Variants in SCN3A observed in about 807,000 individuals in gnomAD.
SCN3A encodes the protein sodium channel protein type 3 subunit alpha.
In SCN3A, 60 loss-of-function variants were observed where a neutral mutation model predicts 187.6. That is an observed-to-expected ratio of 0.32 (90% CI 0.26 to 0.40). The LOEUF (loss-of-function observed/expected upper bound fraction) is 0.40, where lower values mean the gene tolerates loss of function less well. Ranked by LOEUF, SCN3A falls within the 10% of genes least tolerant of loss-of-function variation. The pLI, the probability that SCN3A is intolerant of heterozygous loss-of-function variation, is 1.00. For synonymous variants in SCN3A, 788 were observed against 829.2 expected (o/e 0.95, Z 0.85); for missense variants, 1,601 against 2,428.2 (o/e 0.66, Z 7.16).
intron 2 of SCN3A, among the ~76,000 whole-genome samples, chr2:165,181,736 G>A (rs1574317057): frequency 6.6e-6 from 1 of 152,118 alleles, no homozygotes; most frequent in Non-Finnish European, 1.5e-5. Flanking sequence ...TCAAGTGAAA[G>A]TGGTGTTCCA....
intron 11 of SCN3A, among the ~76,000 whole-genome samples, chr2:165,149,878 C>G (rs1553532847): frequency 2.0e-5 from 3 of 152,202 alleles, no homozygotes; most frequent in Non-Finnish European, 4.4e-5. Flanking sequence ...CTCACTGTAT[C>G]TGTGTGTCCG....
chr2:165,091,134 C>T lies in SCN3A; in HGVS notation c.5019G>A (p.Gly1673=), dbSNP rs770683162. The change falls in exon 28 of 28, where the codon GGG becomes GGA. Residue 1673 remains glycine, a synonymous_variant. Coordinates refer to ENST00000283254, the MANE Select transcript of SCN3A (RefSeq NM_006922.4). ...FLVMFIYAIF[G]MSNFAYVKKE... is the part of the protein sequence containing the mutation. ...TTTTAACATAGGCAAAGTTGGACATCCCAAAGATGGCATAGATAAACATGA... is the reference window on the plus strand; with the variant it reads ...TTTTAACATAGGCAAAGTTGGACATTCCAAAGATGGCATAGATAAACATGA... 4 of 1,613,962 alleles carry T rather than the reference C, an allele frequency of 2.5e-6. No homozygotes were observed.
In SCN3A at chr2:165,169,597, A is replaced by G. The variant is rs1559257322; in HGVS notation, c.384-772T>C. Among the ~76,000 whole-genome samples, 3 of 151,932 alleles carry G rather than the reference A, an allele frequency of 2.0e-5. No individual in the cohort carries two copies. The South Asian group carries it at 6.2e-4, about 31-fold the overall frequency. ...ATAAATATTTTATTTTAGAATATAA[A>G]TACTTTCCAACATCAAGCCATAGAA... is the stretch of plus-strand genomic sequence containing the variant. On this transcript the variant is annotated intron_variant, in intron 4 of 27. Transcript: ENST00000283254.
chr2:165,099,102 C>G (rs566295154), intron 22 of SCN3A, among the ~76,000 whole-genome samples: 402 of 152,220 alleles, frequency 2.6e-3, no homozygotes, highest in Non-Finnish European at 3.4e-3. Flanking sequence ...GCTTAATTCT[C>G]CCTGATGGGT....
chr2:165,144,738 A>G (rs1408850540), intron 12 of SCN3A, among the ~76,000 whole-genome samples: 1 of 151,930 alleles, frequency 6.6e-6, no homozygotes, highest in Non-Finnish European at 1.5e-5. Flanking sequence ...AACACAGTCT[A>G]TAACTTATTT....
chr2:165,127,614 T>C lies in SCN3A; in HGVS notation c.3393+17A>G, dbSNP rs183690433. The C allele has an allele frequency of 2.5e-6, 4 of 1,601,258 alleles. No individual in the cohort carries two copies. The South Asian group carries it at 4.4e-5, about 18-fold the overall frequency. On this transcript the variant is annotated intron_variant, in intron 18 of 27. Coordinates refer to ENST00000283254, the MANE Select transcript of SCN3A (RefSeq NM_006922.4). ...TTATCATAGGAAATGGAACAAAAAA[T>C]TTAAAAGCATTCTTACCTCTTTGCT...
intron 11 of SCN3A, among the ~76,000 whole-genome samples, chr2:165,152,880 C>G (rs1275572658): frequency 6.6e-6 from 1 of 151,434 alleles, no homozygotes; most frequent in African/African-American, 2.4e-5. Flanking sequence ...TGTAACAAAC[C>G]TGCATGTTGT....
intron 11 of SCN3A, among the ~76,000 whole-genome samples, chr2:165,151,627 A>T (rs1447947605): frequency 6.6e-6 from 1 of 152,168 alleles, no homozygotes; most frequent in Non-Finnish European, 1.5e-5. Context: ...TGATGTAGAG[A>T]GGAAGTATCT....
intron 15 of SCN3A, among the ~76,000 whole-genome samples, chr2:165,135,501 A>G (rs1165121403): frequency 4.6e-5 from 7 of 152,088 alleles, no homozygotes; most frequent in African/African-American, 1.2e-4. Flanking sequence ...TATTTTAATG[A>G]GCAAATTATA....
At chr2:165,100,544 T>A in intron 21 of SCN3A, 120 bp from the exon 22 acceptor site, 1 of 974,672 alleles carries the variant, frequency 1.0e-6, no homozygotes, top group Non-Finnish European at 1.6e-6. Context: ...TTGGCAACTT[T>A]CATCTTCCAC....
At chr2:165,127,367 G>A (rs1415757150) in intron 18 of SCN3A, among the ~76,000 whole-genome samples, 2 of 152,022 alleles carry the variant, frequency 1.3e-5, no homozygotes, top group African/African-American at 4.8e-5. Context: ...AGCCTAAAAG[G>A]CCACATTTTT....
chr2:165,108,836 T>C (rs537848554), intron 21 of SCN3A, among the ~76,000 whole-genome samples: 5 of 152,252 alleles, frequency 3.3e-5, no homozygotes, highest in Middle Eastern at 3.4e-3. Context: ...AAGAAAAGAA[T>C]TGTACAGAAT....
intron 2 of SCN3A, among the ~76,000 whole-genome samples, chr2:165,178,142 GT>G (rs939280116): frequency 1.3e-5 from 2 of 151,946 alleles, no homozygotes; most frequent in African/African-American, 4.8e-5. Context: ...GTGTGTGGGG[GT>G]TTTTTTGCTT....
At chr2:165,152,795 T>C (rs1330253378) in intron 11 of SCN3A, among the ~76,000 whole-genome samples, 1 of 152,026 alleles carries the variant, frequency 6.6e-6, no homozygotes, top group Non-Finnish European at 1.5e-5. Context: ...GTGGGAAGGA[T>C]AGCATTAGGA....
At chr2:165,132,717 A>G (rs1465347129) in intron 15 of SCN3A, among the ~76,000 whole-genome samples, 2 of 152,350 alleles carry the variant, frequency 1.3e-5, no homozygotes, top group East Asian at 1.9e-4. Flanking sequence ...GGACATAGGC[A>G]TGGGCAAGGA....
At chr2:165,149,889 T>G (rs1451299823) in intron 11 of SCN3A, among the ~76,000 whole-genome samples, 3 of 152,224 alleles carry the variant, frequency 2.0e-5, no homozygotes, top group Non-Finnish European at 4.4e-5. Flanking sequence ...TGTGTGTCCG[T>G]AAAAATATAA....
At chr2:165,143,743 A>AAGATAAATG (rs1370960122) in intron 12 of SCN3A, among the ~76,000 whole-genome samples, 1 of 152,164 alleles carries the variant, frequency 6.6e-6, no homozygotes, top group Non-Finnish European at 1.5e-5. Flanking sequence ...TTGTTCCCAG[A>AAGATAAATG]AGATAAATGT....
In SCN3A at chr2:165,129,354, G is replaced by T. The variant is rs536395261; in HGVS notation, c.2922+586C>A. On this transcript the variant is annotated intron_variant, in intron 17 of 27. Transcript: ENST00000283254. ...ATGAATAATTTAAACTGTAATAATT[G>T]GTTTTCCTATAGTAATGCAAATTCA... Among the ~76,000 whole-genome samples, 3 of 152,282 alleles carry T rather than the reference G, an allele frequency of 2.0e-5. No individual in the cohort carries two copies. In the South Asian group the frequency reaches 6.2e-4, roughly 32 times the overall value.
intron 2 of SCN3A, among the ~76,000 whole-genome samples, chr2:165,181,795 T>A (rs557734030): frequency 6.6e-6 from 1 of 152,332 alleles, no homozygotes; most frequent in Non-Finnish European, 1.5e-5. Flanking sequence ...ATCACACAAG[T>A]GCTTTTCCTA....
Sources: allele counts gnomAD v4.1 joint callset (sites outside exome capture counted in the v4.1 genomes callset), GRCh38; gene constraint gnomAD v4.1.1; transcripts MANE v1.5; gene names NCBI Gene and HGNC (gene_info 2026-07-23, HGNC 2026-07-21).